Variants in CMIP observed in about 807,000 individuals in gnomAD.
CMIP encodes the protein c-Maf inducing protein, also known as C-Maf-inducing protein.
A neutral mutation model predicts 97.3 loss-of-function variants in CMIP; 13 were observed. The ratio of observed to expected loss-of-function variants is 0.13; its 90% CI spans 0.09 to 0.21. The LOEUF (loss-of-function observed/expected upper bound fraction) is 0.21. CMIP is among the 10% of genes least tolerant of loss of function. The pLI is 1.00. For missense variants in CMIP, 847 were observed against 1,024.9 expected, an observed-to-expected ratio of 0.83 and a Z score of 2.37; for synonymous variants, 538 against 436.3, an observed-to-expected ratio of 1.23 and a Z score of -2.91.
chr16:81,700,261 C>T (rs956947152), intron 15 of CMIP, among the ~76,000 whole-genome samples: 78 of 151,978 alleles, frequency 5.1e-4, no homozygotes, highest in African/African-American at 1.7e-3. Context: ...GGCTCCCCAG[C>T]CGCACCCTTC....
chr16:81,465,671 C>T (rs902261571), intron 1 of CMIP, among the ~76,000 whole-genome samples: 12 of 152,344 alleles, frequency 7.9e-5, no homozygotes, highest in East Asian at 5.8e-4. Context: ...TCAGCTGAAC[C>T]GTGAGAGGGC....
intron 1 of CMIP, among the ~76,000 whole-genome samples, chr16:81,491,454 C>G (rs989036382): frequency 1.3e-5 from 2 of 152,176 alleles, no homozygotes; most frequent in Non-Finnish European, 2.9e-5. Context: ...GTGGGAAAGC[C>G]CTCTGTGGGC....
Position 81,456,394 on chromosome 16 carries a change from C to T in CMIP, c.300+10853C>T, listed in dbSNP as rs1338355761. On this transcript the variant is annotated intron_variant, in intron 1 of 20. Coordinates refer to ENST00000537098, the MANE Select transcript of CMIP (RefSeq NM_198390.3). ...AGCTGGAACCCAGGCAGCCTAACTC[C>T]AGAGCCAGTGGCCTCCAGATGTCAC... is the stretch of plus-strand genomic sequence containing the variant. Among the ~76,000 whole-genome samples, 4 of 152,200 alleles carry T rather than the reference C, an allele frequency of 2.6e-5. No individual in the cohort carries two copies. In the East Asian group the frequency reaches 5.8e-4, roughly 22 times the overall value.
intron 2 of CMIP, among the ~76,000 whole-genome samples, chr16:81,611,578 G>C (rs2091832810): frequency 6.6e-6 from 1 of 151,150 alleles, no homozygotes; most frequent in Non-Finnish European, 1.5e-5. Context: ...TTCCCCTTCT[G>C]TCCCCTCCTG....
chr16:81,564,872 G>A (rs970141500), intron 1 of CMIP, among the ~76,000 whole-genome samples: 2 of 152,194 alleles, frequency 1.3e-5, no homozygotes, highest in African/African-American at 4.8e-5. Flanking sequence ...TGAATTCGCA[G>A]AGGAGAACAT....
intron 1 of CMIP, among the ~76,000 whole-genome samples, chr16:81,551,842 A>G (rs117393904): frequency 0.01 from 1,589 of 152,282 alleles, 13 homozygotes; most frequent in Non-Finnish European, 0.017. Flanking sequence ...CTGCTCCCAT[A>G]GACAGTTCCC....
intron 6 of CMIP, 72 bp downstream of exon 6, chr16:81,661,018 T>C: frequency 6.3e-7 from 1 of 1,597,938 alleles, no homozygotes; most frequent in Admixed American, 1.7e-5. Context: ...AGGGATTGGG[T>C]TTGCACAGAA....
intron 10 of CMIP, among the ~76,000 whole-genome samples, chr16:81,688,800 C>T (rs919029150): frequency 1.3e-5 from 2 of 152,014 alleles, no homozygotes; most frequent in African/African-American, 4.8e-5. Flanking sequence ...TAATGCTATC[C>T]CTCCCTCCTC....
chr16:81,624,205 ACT>A (rs1409102543), intron 3 of CMIP, among the ~76,000 whole-genome samples: 2 of 151,226 alleles, frequency 1.3e-5, no homozygotes, highest in African/African-American at 4.9e-5. Flanking sequence ...GAATTTTTTA[ACT>A]CTCTTTTGTT....
chr16:81,589,165 C>T (rs371791617), intron 1 of CMIP, among the ~76,000 whole-genome samples: 2 of 151,836 alleles, frequency 1.3e-5, no homozygotes, highest in African/African-American at 4.8e-5. Flanking sequence ...GGCGTGATCT[C>T]GGCTCACTGC....
intron 1 of CMIP, among the ~76,000 whole-genome samples, chr16:81,576,588 G>A (rs911962415): frequency 7.9e-5 from 12 of 152,106 alleles, no homozygotes; most frequent in Non-Finnish European, 1.8e-4. Flanking sequence ...GGTTGCTCAG[G>A]GATACGTAGC....
At chr16:81,640,737 C>CGTGTGTGTGTGTGTGTGT (rs1567627570) in intron 3 of CMIP, among the ~76,000 whole-genome samples, 7 of 75,974 alleles carry the variant, frequency 9.2e-5, no homozygotes, top group African/African-American at 2.8e-4. Flanking sequence ...CTCTCTGGAG[C>CGTGTGTGTGTGTGTGTGT]ATGTGTGTGT....
intron 1 of CMIP, among the ~76,000 whole-genome samples, chr16:81,510,048 A>G (rs2089781554): frequency 6.6e-6 from 1 of 152,188 alleles, no homozygotes; most frequent in Non-Finnish European, 1.5e-5. Context: ...TTAGATGAGG[A>G]TGCTTTTCCT....
intron 1 of CMIP, among the ~76,000 whole-genome samples, chr16:81,531,971 C>G (rs2090245130): frequency 6.6e-6 from 1 of 152,214 alleles, no homozygotes; most frequent in African/African-American, 2.4e-5. Context: ...GCACATACTT[C>G]TAAAACTGTC....
At chr16:81,584,397 A>C (rs1410978467) in intron 1 of CMIP, among the ~76,000 whole-genome samples, 1 of 151,760 alleles carries the variant, frequency 6.6e-6, no homozygotes, top group South Asian at 2.1e-4. Flanking sequence ...TAGGAAGGAG[A>C]CTCTTAATCC....
At chr16:81,651,053 G>A (rs906320051) in intron 3 of CMIP, 1 of 152,200 alleles carries the variant, frequency 6.6e-6, no homozygotes, top group Non-Finnish European at 1.5e-5. Context: ...TTCTGTTTGA[G>A]CCTTAGCAGT....
intron 1 of CMIP, among the ~76,000 whole-genome samples, chr16:81,469,298 T>C (rs1331515427): frequency 1.3e-5 from 2 of 152,212 alleles, no homozygotes; most frequent in Admixed American, 1.3e-4. Context: ...ATGTTGGAAG[T>C]TCTACCTTGG....
chr16:81,466,000 C>G (rs1420270911), intron 1 of CMIP, among the ~76,000 whole-genome samples: 1 of 152,080 alleles, frequency 6.6e-6, no homozygotes, highest in African/African-American at 2.4e-5. Context: ...AAAAATACAT[C>G]CTTGTCCTTT....
chr16:81,673,033 G>A (rs2092697175), intron 9 of CMIP, among the ~76,000 whole-genome samples: 1 of 152,198 alleles, frequency 6.6e-6, no homozygotes, highest in South Asian at 2.1e-4. Flanking sequence ...AAAACCGTGA[G>A]AGCAATAAAA....
Sources: allele counts gnomAD v4.1 joint callset (sites outside exome capture counted in the v4.1 genomes callset), GRCh38; gene constraint gnomAD v4.1.1; transcripts MANE v1.5; gene names NCBI Gene and HGNC (gene_info 2026-07-23, HGNC 2026-07-21).